MCF2: variants seen among roughly 807,000 people sequenced by gnomAD.
MCF2 encodes MCF.2 cell line derived transforming sequence, also known as proto-oncogene DBL.
Under a neutral mutation model 82.5 loss-of-function variants are expected in MCF2, and 44 were observed. The ratio of observed to expected loss-of-function variants is 0.53; its 90% confidence interval spans 0.42 to 0.69. The LOEUF (loss-of-function observed/expected upper bound fraction) is 0.69. Among genes scored for constraint, MCF2 ranks in the 30% least tolerant of loss-of-function variants. The pLI is 0.00. For synonymous variants in MCF2, 217 were observed against 224.9 expected (o/e 0.96, Z 0.32); for missense variants, 623 against 663.1 (o/e 0.94, Z 0.66).
At chrX:139,644,634 T>C (rs1009165844), upstream of MCF2, among the ~76,000 whole-genome samples, 1 of 112,448 alleles carries the variant, frequency 8.9e-6, no homozygotes, top group East Asian at 2.8e-4. Context: ...ACCTTGCAAG[T>C]GCTAGAACAT....
chrX:139,610,763 T>C (rs1434043368), intron 10 of MCF2, among the ~76,000 whole-genome samples: 1 of 112,025 alleles, frequency 8.9e-6, no homozygotes, highest in Non-Finnish European at 1.9e-5. Context: ...TTTCTACATA[T>C]TGAGCACTGT....
At chrX:139,584,217 C>A (rs909905722) in intron 24 of MCF2, among the ~76,000 whole-genome samples, 1 of 104,085 alleles carries the variant, frequency 9.6e-6, no homozygotes, top group Non-Finnish European at 1.9e-5. Flanking sequence ...CTCACTGCAA[C>A]CTGCACCTCC....
intron 6 of MCF2, among the ~76,000 whole-genome samples, chrX:139,619,975 G>A (rs1291859129): frequency 2.0e-5 from 2 of 101,769 alleles, no homozygotes; most frequent in Non-Finnish European, 4.0e-5. Context: ...TACGTGTGAG[G>A]TATGTATAGG....
exon 16 of MCF2, chrX:139,602,415 T>C (rs1569350734): frequency 8.4e-7 from 1 of 1,188,979 alleles, no homozygotes. Context: ...CCTGGAAAAA[T>C]GCGCATTCTG....
At chrX:139,678,079 C>T (rs944038024) in intron 1 of MCF2, among the ~76,000 whole-genome samples, 18 of 111,697 alleles carry the variant, frequency 1.6e-4, no homozygotes, top group Non-Finnish European at 2.8e-4. Context: ...GGAAGGATCG[C>T]TTGAGCCCAG....
chrX:139,666,949 C>T (rs1276641462), intron 1 of MCF2, among the ~76,000 whole-genome samples: 1 of 111,133 alleles, frequency 9.0e-6, no homozygotes, highest in East Asian at 2.8e-4. Context: ...TTTCAAAAGA[C>T]CTGTCTTCAT....
At chrX:139,644,547 A>G (rs1467694763), upstream of MCF2, among the ~76,000 whole-genome samples, 4 of 112,463 alleles carry the variant, frequency 3.6e-5, no homozygotes, top group African/African-American at 1.3e-4. Flanking sequence ...TAAACAGGAA[A>G]CCACTTTTTG....
intron 10 of MCF2, among the ~76,000 whole-genome samples, chrX:139,610,545 T>C (rs763353347): frequency 2.7e-5 from 3 of 112,063 alleles, no homozygotes; most frequent in Non-Finnish European, 3.8e-5. Flanking sequence ...TGCTATGTAT[T>C]CACCCATTCT....
chrX:139,660,102 G>A (rs1039635371), intron 1 of MCF2, among the ~76,000 whole-genome samples: 1 of 111,330 alleles, frequency 9.0e-6, no homozygotes, highest in African/African-American at 3.3e-5. Flanking sequence ...ACAAATGCCA[G>A]GTGCCAGGCA....
chrX:139,633,908 G>C (rs1028205472), intron 1 of MCF2, among the ~76,000 whole-genome samples: 5 of 111,399 alleles, frequency 4.5e-5, no homozygotes, highest in African/African-American at 1.6e-4. Context: ...ATAACTACTT[G>C]ATGTACTTGC....
chrX:139,683,641 G>A (rs1298217453), intron 1 of MCF2, among the ~76,000 whole-genome samples: 2 of 112,569 alleles, frequency 1.8e-5, no homozygotes, highest in Non-Finnish European at 3.8e-5. Context: ...AGATACATCA[G>A]TGGGAAATAA....
At chrX:139,676,031 C>T (rs752599752) in intron 1 of MCF2, among the ~76,000 whole-genome samples, 8 of 112,665 alleles carry the variant, frequency 7.1e-5, no homozygotes, top group East Asian at 5.6e-4. Flanking sequence ...TCAGCAATGG[C>T]GGACCCCCTC....
chrX:139,697,393 C>T (rs1243841899), intron 1 of MCF2, among the ~76,000 whole-genome samples: 1 of 111,833 alleles, frequency 8.9e-6, no homozygotes, highest in African/African-American at 3.3e-5. Context: ...AATATCCACC[C>T]ACTAGATTTT....
Position 139,587,704 on chromosome X carries a change from A to G in MCF2, c.2522+12T>C, listed in dbSNP as rs201175606. On this transcript the variant is annotated intron_variant, in intron 22 of 24. Coordinates refer to ENST00000370576, the Ensembl canonical transcript of MCF2. ...TTGCAGGAGTGGTATTTCTTAAAGA[A>G]TAATCACTTACTCATCATTCTGCTG... The G allele has an allele frequency of 1.7e-4, 189 of 1,114,317 alleles. No individual in the cohort carries two copies. The East Asian group carries it at 5.6e-3, about 33-fold the overall frequency. The allele number at this position is 1,114,317 out of a possible 1,213,427, so 91.8% of individuals were successfully genotyped here. A position where few individuals can be genotyped will look rare whatever the true frequency, so the allele number is the denominator to read the frequency against.
At chrX:139,642,330 C>T in intron 1 of MCF2, 1 of 836,281 alleles carries the variant, frequency 1.2e-6, no homozygotes, top group Admixed American at 2.2e-5. Flanking sequence ...CAATGCAATC[C>T]ATGCAAATAT....
At chrX:139,596,526 T>G in intron 19 of MCF2, 23 bp downstream of exon 23, 1 of 1,137,484 alleles carries the variant, frequency 8.8e-7, no homozygotes. Context: ...CAATACTACA[T>G]TACCCGATAC....
intron 10 of MCF2, among the ~76,000 whole-genome samples, chrX:139,612,579 C>T (rs1392786698): frequency 9.2e-6 from 1 of 108,295 alleles, no homozygotes; most frequent in Admixed American, 9.9e-5. Flanking sequence ...AACAAAAAAA[C>T]AGTTTGACTC....
chrX:139,699,122 C>T (rs1346717849), intron 1 of MCF2, among the ~76,000 whole-genome samples: 3 of 111,562 alleles, frequency 2.7e-5, no homozygotes, highest in Non-Finnish European at 5.7e-5. Context: ...TGAAAATAAC[C>T]GTATCAATGA....
intron 15 of MCF2, among the ~76,000 whole-genome samples, chrX:139,603,652 G>A (rs1018664416): frequency 7.2e-5 from 8 of 111,090 alleles, no homozygotes; most frequent in Non-Finnish European, 1.5e-4. Context: ...TCGCTAACAC[G>A]GTGAAACCCC....
Sources: gnomAD v4.1 joint callset for allele counts (sites outside exome capture counted in the v4.1 genomes callset) on GRCh38, gnomAD v4.1.1 for gene constraint, MANE v1.5 for transcripts, NCBI Gene and HGNC (gene_info 2026-07-23, HGNC 2026-07-21) for gene names.